TBCCD1: variants seen among roughly 807,000 people sequenced by gnomAD.
TBCCD1 encodes TBCC domain containing 1.
TBCCD1 carries 26 observed loss-of-function variants against 53.4 expected under a neutral mutation model. That is an observed-to-expected ratio of 0.49 (90% CI 0.36 to 0.68). The LOEUF is 0.68. Among genes scored for constraint, TBCCD1 ranks in the 30% least tolerant of loss-of-function variants. The pLI is 0.00. For missense variants in TBCCD1, 558 were observed against 669.5 expected (o/e 0.83, Z 1.84); for synonymous variants, 245 against 241.7 (o/e 1.01, Z -0.13).
At chr3:186,554,786 A>G (rs1431277697) in intron 5 of TBCCD1, 35 bp from the exon 6 acceptor site, 1 of 1,593,876 alleles carries the variant, frequency 6.3e-7, no homozygotes, top group Non-Finnish European at 8.5e-7. Flanking sequence ...AAGTCCTCTG[A>G]ATAAGATTTT....
chr3:186,563,090 G>A (rs780409305), intron 2 of TBCCD1, among the ~76,000 whole-genome samples: 1 of 152,202 alleles, frequency 6.6e-6, no homozygotes, highest in Non-Finnish European at 1.5e-5. Flanking sequence ...TAACAAAGCT[G>A]ATTAACAGTG....
intron 2 of TBCCD1, among the ~76,000 whole-genome samples, 175 bp from the exon 3 acceptor site, chr3:186,558,747 CT>C (rs879562542): frequency 4.0e-5 from 6 of 148,966 alleles, no homozygotes; most frequent in African/African-American, 7.4e-5. Flanking sequence ...GTTTCTTTTT[CT>C]TTTTTTTTTG....
At position 186,563,984 on chromosome 3, in the gene TBCCD1, C is replaced by G; in HGVS notation, c.336+10G>C. 3 of 1,590,644 alleles carry G rather than the reference C, an allele frequency of 1.9e-6. No individual in the cohort carries two copies. The highest frequency in any genetic ancestry group is 2.6e-6 in the Non-Finnish European group (3 of 1,169,024). ...AAAGTAATTAAGTATACACACATATCAATCCGTACCTGATTTCTCTGCTTT... is the reference window on the plus strand; with the variant it reads ...AAAGTAATTAAGTATACACACATATGAATCCGTACCTGATTTCTCTGCTTT... On this transcript the variant is annotated intron_variant, in intron 2 of 7. Transcript: ENST00000338733.
intron 2 of TBCCD1, among the ~76,000 whole-genome samples, chr3:186,559,725 T>C (rs1445188730): frequency 1.3e-5 from 2 of 152,222 alleles, no homozygotes. Context: ...ACTTTCTTAA[T>C]TGAACTTCTG....
rs1334301930 is a variant in TBCCD1, at chr3:186,556,666, C to A, written c.602G>T (p.Ser201Ile). 1 of 1,614,136 alleles carries A rather than the reference C, an allele frequency of 6.2e-7. No individual in the cohort carries two copies. Among genetic ancestry groups the A allele is most frequent in the Admixed American group, 1.7e-5 (1 of 60,012 alleles). ...AACAGCTTCTCGAGACACTAGACTA[C>A]TATGGGTTGAATGAAATGATGCAGT... ...QLTASFHSTH[S>I]SLVSREAVVA... is the part of the protein sequence containing the mutation. The change falls in exon 4 of 8, where the codon AGT becomes ATT. Residue 201 changes from serine (S) to isoleucine (I), a missense_variant. By Grantham distance (142) the Ser-to-Ile change is moderately radical. Coordinates refer to ENST00000338733, the MANE Select transcript of TBCCD1 (RefSeq NM_018138.5).
At chr3:186,567,163 T>C (rs1560231515) in intron 1 of TBCCD1, 104 bp downstream of exon 1, 1 of 152,362 alleles carries the variant, frequency 6.6e-6, no homozygotes, top group East Asian at 1.9e-4. Flanking sequence ...ACAGGGTCGG[T>C]AGCTGACCCG....
In TBCCD1 at chr3:186,554,546, G is replaced by A. The variant is rs1270080481; in HGVS notation, c.1252C>T (p.Pro418Ser). Residue 418 changes from proline (P) to serine (S), a missense_variant, in exon 6 of 8, where the codon CCT (proline) becomes TCT (serine). Physicochemically the swap from Pro to Ser is moderately conservative, Grantham distance 74 (BLOSUM62 -1). Coordinates refer to ENST00000338733, the MANE Select transcript of TBCCD1 (RefSeq NM_018138.5). ...LSGNQTVTFA[P>S]FHTHYPMLED... is the part of the protein sequence containing the mutation. ...AGCATTGGGTAATGTGTATGAAAAG[G>A]GGCAAAAGTTACTGTCTGGTTCCCA... The A allele has an allele frequency of 6.2e-7, 1 of 1,614,224 alleles. No homozygotes were observed. The highest frequency in any genetic ancestry group is 2.2e-5 in the East Asian group (1 of 44,890).
In TBCCD1 at chr3:186,551,230, A is replaced by G. The variant is rs1714365193; in HGVS notation, c.1594T>C (p.Trp532Arg). The change falls in exon 7 of 8, where the codon TGG (tryptophan) becomes CGG (arginine). Residue 532 changes from tryptophan to arginine, a missense_variant. Trp to Arg is a moderately radical substitution (Grantham distance 101). Transcript: ENST00000338733. ...QVLVENKFYE[W>R]LINTGHRQQL... is the part of the protein sequence containing the mutation. Reference sequence around the variant, plus strand: ...TGGCGATGTCCTGTATTAATCAACCATTCATAAAACTTGTTCTCTACCAGT... The same window carrying G: ...TGGCGATGTCCTGTATTAATCAACCGTTCATAAAACTTGTTCTCTACCAGT... The G allele has an allele frequency of 1.2e-6, 2 of 1,613,732 alleles. No homozygotes were observed. Among genetic ancestry groups the G allele is most frequent in the Non-Finnish European group, 1.7e-6 (2 of 1,180,010 alleles).
rs563589735 is a variant in TBCCD1, at chr3:186,565,660, A to G, written c.-43-1288T>C. ...GGTACGTGGGGGGCTCACTGATTCTATTTTTGTGTATGTTAAAAAATTTCA... is the reference window on the plus strand; with the variant it reads ...GGTACGTGGGGGGCTCACTGATTCTGTTTTTGTGTATGTTAAAAAATTTCA... On this transcript the variant is annotated intron_variant, in intron 1 of 7. Transcript: ENST00000338733. 1.0e-3 allele frequency among the ~76,000 whole-genome samples: 159 copies of G among 152,290 alleles called. 2 individuals are homozygous for G. Among genetic ancestry groups the G allele is most frequent in the African/African-American group, 3.8e-3 (157 of 41,560 alleles).
chr3:186,548,971 C>G (rs1231277705), intron 7 of TBCCD1, among the ~76,000 whole-genome samples: 1 of 152,120 alleles, frequency 6.6e-6, no homozygotes, highest in African/African-American at 2.4e-5. Context: ...TAAATATATA[C>G]AATTCATCTG....
chr3:186,556,087 T>A (rs997902742), intron 4 of TBCCD1, among the ~76,000 whole-genome samples: 1 of 152,208 alleles, frequency 6.6e-6, no homozygotes, highest in Non-Finnish European at 1.5e-5. Flanking sequence ...ATTCTTCTTC[T>A]TTTAAAACAT....
At chr3:186,559,503 C>T (rs908502125) in intron 2 of TBCCD1, among the ~76,000 whole-genome samples, 1 of 152,096 alleles carries the variant, frequency 6.6e-6, no homozygotes, top group Non-Finnish European at 1.5e-5. Context: ...CTTGAAGCCC[C>T]TGATTACCCT....
chr3:186,562,529 G>A (rs982589624), intron 2 of TBCCD1, among the ~76,000 whole-genome samples: 1 of 152,198 alleles, frequency 6.6e-6, no homozygotes, highest in African/African-American at 2.4e-5. Flanking sequence ...GGGCTAGGAG[G>A]AGGGGGAAAT....
chr3:186,554,810 A>C, intron 5 of TBCCD1, 59 bp from the exon 6 acceptor site: 1 of 1,592,554 alleles, frequency 6.3e-7, no homozygotes, highest in Non-Finnish European at 8.5e-7. Context: ...AATTTGACTA[A>C]AATATTATTA....
intron 7 of TBCCD1, among the ~76,000 whole-genome samples, chr3:186,549,402 T>C (rs1331718478): frequency 3.3e-5 from 5 of 152,116 alleles, no homozygotes; most frequent in Non-Finnish European, 7.4e-5. Context: ...GCAGGTGCAG[T>C]AGCTCATGCC....
chr3:186,559,932 C>A (rs1357776298), intron 2 of TBCCD1, among the ~76,000 whole-genome samples: 1 of 151,728 alleles, frequency 6.6e-6, no homozygotes, highest in African/African-American at 2.4e-5. Flanking sequence ...TTCTCTGTCC[C>A]ACTCACCCCT....
Position 186,561,403 on chromosome 3 carries a change from C to T in TBCCD1, c.336+2591G>A, listed in dbSNP as rs568793253. ...AACCACAATGAGATATCACCTCACA[C>T]TTGTTAACAAAAGATTAACAAGTAT... On this transcript the variant is annotated intron_variant, in intron 2 of 7. Coordinates refer to ENST00000338733, the MANE Select transcript of TBCCD1 (RefSeq NM_018138.5). 3.9e-5 allele frequency among the ~76,000 whole-genome samples: 6 copies of T among 152,330 alleles called. No homozygotes were observed. In the South Asian group the frequency reaches 1.2e-3, roughly 32 times the overall value.
intron 7 of TBCCD1, 78 bp downstream of exon 7, chr3:186,551,051 A>G: frequency 2.7e-6 from 4 of 1,496,922 alleles, no homozygotes; most frequent in Non-Finnish European, 3.6e-6. Flanking sequence ...CATGTTTAGT[A>G]TATAATATTC....
intron 7 of TBCCD1, among the ~76,000 whole-genome samples, chr3:186,548,749 C>G (rs1262690256): frequency 1.3e-5 from 2 of 152,034 alleles, no homozygotes; most frequent in South Asian, 4.1e-4. Context: ...TACAAAATTT[C>G]GGTTAGCTAA....
Sources: gnomAD v4.1 joint callset for allele counts (sites outside exome capture counted in the v4.1 genomes callset) on GRCh38, gnomAD v4.1.1 for gene constraint, MANE v1.5 for transcripts, NCBI Gene and HGNC (gene_info 2026-07-23, HGNC 2026-07-21) for gene names.